Variants in ABL2 observed in about 807,000 individuals in gnomAD.
The protein encoded by ABL2 is ABL proto-oncogene 2, non-receptor tyrosine kinase.
Under a neutral mutation model 107.7 loss-of-function variants are expected in ABL2, and 49 were observed. That is an observed-to-expected ratio of 0.45 (90% confidence interval 0.36 to 0.58). ABL2 has a LOEUF of 0.58. Ranked by LOEUF, ABL2 falls within the 20% of genes least tolerant of loss-of-function variation. The probability of loss-of-function intolerance (pLI) is 0.00; values close to 1 mark genes in which losing one functional copy is unlikely to be tolerated. For synonymous variants in ABL2, 549 were observed against 548.6 expected, an observed-to-expected ratio of 1.00 and a Z score of -0.01; for missense variants, 1,245 against 1,457.0, an observed-to-expected ratio of 0.85 and a Z score of 2.37.
rs1571270297 is a variant in ABL2, at chr1:179,184,171, A to G, written c.157+45070T>C. ...GTGTCTGCACTGCTTAGGGAGGAGGACAAAGACGCACTGCATTATCTGACC... is the reference window on the plus strand; with the variant it reads ...GTGTCTGCACTGCTTAGGGAGGAGGGCAAAGACGCACTGCATTATCTGACC... On this transcript the variant is annotated intron_variant, in intron 1 of 11. Coordinates refer to ENST00000502732, the MANE Select transcript of ABL2 (RefSeq NM_007314.4). 7.0e-6 allele frequency: 3 copies of G among 430,132 alleles called. No homozygotes were observed. In the East Asian group the frequency reaches 1.6e-4, roughly 24 times the overall value. The allele number at this position is 430,132 out of a possible 1,614,324, so 26.6% of individuals were successfully genotyped here.
At position 179,117,476 on chromosome 1, in the gene ABL2, C is replaced by T; in HGVS notation, c.1264G>A (p.Val422Met). Residue 422 changes from valine to methionine, a missense_variant, in exon 8 of 12, where the codon GTG becomes ATG. Val to Met is a conservative substitution (Grantham distance 21). Around this residue, in one of 3 missense-constraint regions of ABL2, gnomAD observed 320 missense variants for 547.0 expected, o/e 0.59. Coordinates refer to ENST00000502732, the MANE Select transcript of ABL2 (RefSeq NM_007314.4). ...ARNCLVGENH[V>M]VKVADFGLSR... ...AAGCCAAAGTCAGCCACTTTTACCA[C>T]ATGGTTTTCTCCCACTAGGCAGTTA... The T allele has an allele frequency of 6.2e-7, 1 of 1,614,180 alleles. No homozygotes were observed. The highest frequency in any genetic ancestry group is 8.5e-7 in the Non-Finnish European group (1 of 1,180,030).
intron 1 of ABL2, among the ~76,000 whole-genome samples, chr1:179,208,829 A>G (rs1662116872): frequency 6.6e-6 from 1 of 152,230 alleles, no homozygotes; most frequent in South Asian, 2.1e-4. Context: ...TTAAGAGTGT[A>G]ATTTTTGGAG....
At chr1:179,173,357 A>G (rs1250732024) in intron 1 of ABL2, among the ~76,000 whole-genome samples, 1 of 133,088 alleles carries the variant, frequency 7.5e-6, no homozygotes, top group Non-Finnish European at 1.6e-5. Context: ...GAAAGGCTGT[A>G]ATTTTTTTTT....
At chr1:179,143,961 G>A (rs1303175054) in intron 1 of ABL2, among the ~76,000 whole-genome samples, 1 of 152,026 alleles carries the variant, frequency 6.6e-6, no homozygotes, top group Non-Finnish European at 1.5e-5. Context: ...CTCCCAAAGT[G>A]CTAGGATTAC....
Position 179,106,890 on chromosome 1 carries a change from C to G in ABL2, c.*828G>C, listed in dbSNP as rs1023476305. ...GAATGCTACCAGGAATAAAGGAAGA[C>G]AGCCTGCCCAGCAAAAGACAGAGAA... On this transcript the variant is annotated 3_prime_UTR_variant, in exon 12 of 12. Coordinates refer to ENST00000502732, the MANE Select transcript of ABL2 (RefSeq NM_007314.4). 6.1e-5 allele frequency: 14 copies of G among 230,598 alleles called. No homozygotes were observed. Among genetic ancestry groups the G allele is most frequent in the African/African-American group, 2.9e-4 (13 of 45,202 alleles). 14.3% of individuals were successfully genotyped at this position (230,598 alleles called of 1,614,324 possible).
chr1:179,134,879 A>G (rs533203926), intron 1 of ABL2, among the ~76,000 whole-genome samples: 6 of 152,188 alleles, frequency 3.9e-5, no homozygotes, highest in South Asian at 4.2e-4. Flanking sequence ...GCAGGCGCGC[A>G]CCGCCACGCC....
intron 1 of ABL2, among the ~76,000 whole-genome samples, chr1:179,165,301 C>T (rs1018100589): frequency 6.6e-6 from 1 of 152,162 alleles, no homozygotes; most frequent in Non-Finnish European, 1.5e-5. Flanking sequence ...CATGTACCAC[C>T]TCCAGTTTAA....
intron 1 of ABL2, among the ~76,000 whole-genome samples, chr1:179,179,234 T>C (rs1660225978): frequency 6.6e-6 from 1 of 152,222 alleles, no homozygotes; most frequent in Non-Finnish European, 1.5e-5. Flanking sequence ...TCTGCAATTC[T>C]AAGCTTCCTA....
At chr1:179,182,341 C>T (rs1273811205) in intron 1 of ABL2, among the ~76,000 whole-genome samples, 1 of 152,166 alleles carries the variant, frequency 6.6e-6, no homozygotes, top group Non-Finnish European at 1.5e-5. Context: ...AACCTTTAGC[C>T]TCAAATGAGC....
intron 11 of ABL2, 51 bp from the exon 12 acceptor site, chr1:179,109,492 T>A: frequency 6.5e-7 from 1 of 1,548,274 alleles, no homozygotes; most frequent in Admixed American, 2.1e-5. Flanking sequence ...GTGAATCTAT[T>A]ACATTTGAGT....
intron 1 of ABL2, among the ~76,000 whole-genome samples, chr1:179,210,107 T>C (rs1662181297): frequency 6.6e-6 from 1 of 151,574 alleles, no homozygotes. Context: ...CAAGCAATCT[T>C]CCCCCTCAGC....
intron 1 of ABL2, among the ~76,000 whole-genome samples, chr1:179,162,744 GAA>G (rs946470441): frequency 7.2e-5 from 11 of 152,246 alleles, no homozygotes; most frequent in Admixed American, 7.2e-4. Context: ...AGAGGAAAAA[GAA>G]AGGTTTAAAT....
intron 1 of ABL2, among the ~76,000 whole-genome samples, chr1:179,142,763 TTTA>T (rs1381566512): frequency 6.6e-5 from 10 of 152,252 alleles, no homozygotes; most frequent in African/African-American, 2.2e-4. Flanking sequence ...CCATTCAGTA[TTTA>T]TTGAGATCCT....
chr1:179,180,837 T>C (rs1016799300), intron 1 of ABL2, among the ~76,000 whole-genome samples: 1 of 152,238 alleles, frequency 6.6e-6, no homozygotes, highest in Non-Finnish European at 1.5e-5. Flanking sequence ...CAGAGTATAC[T>C]TAATAATAAT....
intron 1 of ABL2, among the ~76,000 whole-genome samples, chr1:179,173,203 A>G (rs1192377308): frequency 6.7e-6 from 1 of 150,320 alleles, no homozygotes; most frequent in African/African-American, 2.4e-5. Context: ...AAAAAAAAAA[A>G]CAACAACAGA....
intron 4 of ABL2, among the ~76,000 whole-genome samples, chr1:179,123,462 G>A (rs1039817303): frequency 2.0e-5 from 3 of 152,032 alleles, no homozygotes; most frequent in Admixed American, 1.3e-4. Context: ...CTGAGATCAC[G>A]CCACTGCATT....
At position 179,108,191 on chromosome 1, in the gene ABL2, C is replaced by T. The variant is rs1421531272; in HGVS notation, c.3076G>A (p.Ala1026Thr). The part of the protein sequence containing the change: ...SETQEGGKKA[A>T]LGAVPISGKA... ...CCACTGATGGGCACTGCGCCCAGAG[C>T]TGCCTTCTTTCCTCCTTCCTGTGTT... The change falls in exon 12 of 12, where the codon GCT becomes ACT. Residue 1026 changes from alanine to threonine, a missense_variant. Ala to Thr is a moderately conservative substitution (Grantham distance 58, BLOSUM62 0). This residue lies in a region of ABL2 where 761 missense variants were observed against 766.4 expected (regional missense o/e 0.99). Coordinates refer to ENST00000502732, the MANE Select transcript of ABL2 (RefSeq NM_007314.4). The T allele has an allele frequency of 6.2e-7, 1 of 1,614,084 alleles. No homozygotes were observed. The highest frequency in any genetic ancestry group is 8.5e-7 in the Non-Finnish European group (1 of 1,180,058).
At chr1:179,118,852 C>A in intron 6 of ABL2, 88 bp from the exon 7 acceptor site, 1 of 1,420,388 alleles carries the variant, frequency 7.0e-7, no homozygotes, top group South Asian at 1.3e-5. Context: ...GACAATTTTT[C>A]AGGTCTAGTT....
chr1:179,147,125 T>C (rs1249866547), intron 1 of ABL2, among the ~76,000 whole-genome samples: 2 of 122,642 alleles, frequency 1.6e-5, no homozygotes, highest in Non-Finnish European at 3.2e-5. Context: ...AGATGACACA[T>C]AGGTGGCTAA....
Sources: allele counts gnomAD v4.1 joint callset (sites outside exome capture counted in the v4.1 genomes callset), GRCh38; gene constraint gnomAD v4.1.1; regional missense constraint gnomAD v4.1.1; transcripts MANE v1.5; gene names NCBI Gene and HGNC (gene_info 2026-07-23, HGNC 2026-07-21).